The following RHOQ variants were observed in gnomAD, a reference collection of about 807,000 sequenced individuals.
The protein encoded by RHOQ is ras homolog family member Q.
RHOQ carries 7 observed loss-of-function variants against 25.8 expected under a neutral mutation model. That is an observed-to-expected ratio of 0.27 (90% CI 0.15 to 0.51). The LOEUF (loss-of-function observed/expected upper bound fraction) is 0.51. Ranked by LOEUF, RHOQ falls within the 20% of genes least tolerant of loss-of-function variation. The pLI is 0.97. For missense variants in RHOQ, 165 were observed against 260.6 expected (o/e 0.63, Z 2.53); for synonymous variants, 97 against 98.6 (o/e 0.98, Z 0.10).
intron 2 of RHOQ, among the ~76,000 whole-genome samples, chr2:46,546,515 TATACATATATATATATAC>T (rs1558680655): frequency 2.9e-4 from 7 of 24,186 alleles, no homozygotes; most frequent in African/African-American, 1.1e-3. Flanking sequence ...TATATATGTA[TATACATATATATATATAC>T]ACAAATCCTT....
Position 46,543,785 on chromosome 2 carries a change from C to T in RHOQ, c.174C>T (p.Leu58=). The change falls in exon 2 of 5, where the codon CTC becomes CTT. Residue 58 remains leucine, a synonymous_variant. Transcript: ENST00000238738. ...TCACCGTGGGGGGCAAGCAGTACCT[C>T]CTAGGACTCTATGACACGGCCGGAC... ...VSVTVGGKQY[L]LGLYDTAGQE... 6.2e-7 allele frequency: 1 copy of T among 1,613,782 alleles called. No homozygotes were observed. Among genetic ancestry groups the T allele is most frequent in the Non-Finnish European group, 8.5e-7 (1 of 1,179,882 alleles).
At position 46,576,349 on chromosome 2, in the gene RHOQ, T is replaced by A; in HGVS notation, c.366+98T>A. On this transcript the variant is annotated intron_variant, in intron 3 of 4. Transcript: ENST00000238738. This position sits in a 1 kb window ranked among gnomAD's most constrained non-coding sequence, Gnocchi z 5.1. ...CAGTCCCAAAGCTGAGCAAATGATG[T>A]AAGTGTTTAATCTCAGCTGCAAGTT... The A allele has an allele frequency of 9.0e-7, 1 of 1,112,030 alleles. No homozygotes were observed. The highest frequency in any genetic ancestry group is 1.3e-6 in the Non-Finnish European group (1 of 770,288). The allele number at this position is 1,112,030 out of a possible 1,614,324, so 68.9% of individuals were successfully genotyped here.
chr2:46,581,302 A>G lies in RHOQ; in HGVS notation c.*219A>G, dbSNP rs1669360624. On this transcript the variant is annotated 3_prime_UTR_variant, in exon 5 of 5. Transcript: ENST00000238738. ...AGCCACAATCTATTATAAATACTTT[A>G]TTTCAACTAGAAGGTACAATCTCTC... 1 of 1,005,634 alleles carries G rather than the reference A, an allele frequency of 9.9e-7. No homozygotes were observed. The highest frequency in any genetic ancestry group is 1.4e-6 in the Non-Finnish European group (1 of 696,500). 62.3% of individuals were successfully genotyped at this position (1,005,634 alleles called of 1,614,324 possible).
rs1173839874 is a variant in RHOQ at position 46,574,347 on chromosome 2, T to TTTTC, written c.202-1736_202-1733dup. Among the ~76,000 whole-genome samples the TTTTC allele has an allele frequency of 3.2e-3, 482 of 152,080 alleles. 6 individuals are homozygous for TTTTC. The highest frequency in any genetic ancestry group is 2.5e-3 in the Non-Finnish European group (172 of 67,974). Reference sequence around the variant, plus strand: ...ATGACATACTGTTTCTTTTTTTTTTTTTTCTTTTATGGACTTGCAGTTTGA... The same window carrying TTTTC: ...ATGACATACTGTTTCTTTTTTTTTTTTTTCTTTCTTTTATGGACTTGCAGTTTGA... On this transcript the variant is annotated intron_variant, in intron 2 of 4. Transcript: ENST00000238738.
At position 46,543,043 on chromosome 2, in the gene RHOQ, C is replaced by T. The variant is rs772555647; in HGVS notation, c.-4C>T. 84 of 1,588,244 alleles carry T rather than the reference C, an allele frequency of 5.3e-5. No individual in the cohort carries two copies. Among genetic ancestry groups the T allele is most frequent in the Non-Finnish European group, 3.4e-6 (4 of 1,169,940 alleles). The stretch of plus-strand genomic sequence containing the variant: ...ACCATGCCCGGAGGCCGGCCGGCAG[C>T]AGCATGGCTCACGGGCCCGGCGCGC... On this transcript the variant is annotated 5_prime_UTR_variant, in exon 1 of 5. Transcript: ENST00000238738.
intron 2 of RHOQ, among the ~76,000 whole-genome samples, chr2:46,562,504 C>G (rs185864476): frequency 6.6e-6 from 1 of 152,304 alleles, no homozygotes; most frequent in East Asian, 1.9e-4. Flanking sequence ...AAATGGCACT[C>G]CTCCCTAGCC....
chr2:46,543,012 G>A lies in RHOQ; in HGVS notation c.-35G>A, dbSNP rs893604422. On this transcript the variant is annotated 5_prime_UTR_variant, in exon 1 of 5. Transcript: ENST00000238738. ...AGCCCGGGGCCGGGGCGGGGGCTCC[G>A]GGGGGACCATGCCCGGAGGCCGGCC... 6 of 1,499,534 alleles carry A rather than the reference G, an allele frequency of 4.0e-6. No homozygotes were observed. The highest frequency in any genetic ancestry group is 1.5e-5 in the African/African-American group (1 of 68,872). The allele number at this position is 1,499,534 out of a possible 1,614,324, so 92.9% of individuals were successfully genotyped here.
At chr2:46,559,402 G>A (rs1347412425) in intron 2 of RHOQ, among the ~76,000 whole-genome samples, 1 of 152,036 alleles carries the variant, frequency 6.6e-6, no homozygotes, top group Non-Finnish European at 1.5e-5. Flanking sequence ...ATCTCTTTCA[G>A]GTAGTTCCTC....
chr2:46,556,652 A>C lies in RHOQ; in HGVS notation c.201+12840A>C, dbSNP rs1558684978. 2.0e-5 allele frequency among the ~76,000 whole-genome samples: 3 copies of C among 152,122 alleles called. No homozygotes were observed. The highest frequency in any genetic ancestry group is 4.4e-5 in the Non-Finnish European group (3 of 68,040). On this transcript the variant is annotated intron_variant, in intron 2 of 4. Coordinates refer to ENST00000238738, the MANE Select transcript of RHOQ (RefSeq NM_012249.4). The surrounding 1 kb of genome is among the most constrained non-coding windows in gnomAD (Gnocchi z 4.9). ...ACATAAGAGTGAGGTGAGGAACACA[A>C]AATTCCATCCGATCGGGTTCTTCCC...
In RHOQ at chr2:46,544,634, C is replaced by T. The variant is rs546181028; in HGVS notation, c.201+822C>T. 8.5e-5 allele frequency among the ~76,000 whole-genome samples: 13 copies of T among 152,344 alleles called. 1 individual carries two copies. The South Asian group carries it at 2.1e-3, about 24-fold the overall frequency. On this transcript the variant is annotated intron_variant, in intron 2 of 4. Transcript: ENST00000238738. ...CTCCCTGTCCCAGCTTCAGCCTCTTCCCAAACCCACTTTTGCTCTGGGGAT... is the reference window on the plus strand; with the variant it reads ...CTCCCTGTCCCAGCTTCAGCCTCTTTCCAAACCCACTTTTGCTCTGGGGAT...
chr2:46,543,149 C>T lies in RHOQ; in HGVS notation c.103C>T (p.Pro35Ser). 6.2e-7 allele frequency: 1 copy of T among 1,612,270 alleles called. No homozygotes were observed. The highest frequency in any genetic ancestry group is 8.5e-7 in the Non-Finnish European group (1 of 1,179,414). ...LLMSYANDAF[P>S]EEYVPTVFDH... ...CATGAGCTATGCCAACGACGCCTTC[C>T]CGGAGGAGTACGTGCCCACCGTCTT... is the stretch of plus-strand genomic sequence containing the variant. The change falls in exon 1 of 5, where the codon CCG becomes TCG. Residue 35 changes from proline to serine, a missense_variant. Transcript: ENST00000238738.
chr2:46,563,831 T>G (rs1401861834), intron 2 of RHOQ, among the ~76,000 whole-genome samples: 2 of 151,992 alleles, frequency 1.3e-5, no homozygotes, highest in African/African-American at 4.8e-5. Flanking sequence ...TCTCTTTTTC[T>G]TAATGGAGAC....
chr2:46,553,487 A>G (rs576134022), intron 2 of RHOQ, among the ~76,000 whole-genome samples: 1 of 152,284 alleles, frequency 6.6e-6, no homozygotes, highest in Admixed American at 6.5e-5. Context: ...CAAACAATCC[A>G]ATTACAGTCT....
chr2:46,576,472 G>T lies in RHOQ; in HGVS notation c.367-89G>T. ...AAGTTCTTTTGTTTAATCTTTTTTT[G>T]GTATGTGGGAATTAAGTGGGATTAC... On this transcript the variant is annotated intron_variant, in intron 3 of 4. Transcript: ENST00000238738. The surrounding 1 kb of genome is among the most constrained non-coding windows in gnomAD (Gnocchi z 5.1). 1 of 902,220 alleles carries T rather than the reference G, an allele frequency of 1.1e-6. No individual in the cohort carries two copies. The highest frequency in any genetic ancestry group is 1.7e-6 in the Non-Finnish European group (1 of 593,296). 55.9% of individuals were successfully genotyped at this position (902,220 alleles called of 1,614,324 possible).
At chr2:46,572,959 T>C in intron 2 of RHOQ, among the ~76,000 whole-genome samples, 1 of 152,194 alleles carries the variant, frequency 6.6e-6, no homozygotes, top group East Asian at 1.9e-4. Flanking sequence ...TGATGCAGGG[T>C]ACAGTATGCA....
At position 46,584,683 on chromosome 2, in the gene RHOQ, T is replaced by C. The variant is rs1669510218; in HGVS notation, c.*3600T>C. ...TAAAATGTGGACTGGCTTTGAAGAC[T>C]GTTAATGATGGGTCAGGCTTTGTAC... On this transcript the variant is annotated 3_prime_UTR_variant, in exon 5 of 5. Coordinates refer to ENST00000238738, the MANE Select transcript of RHOQ (RefSeq NM_012249.4). Among the ~76,000 whole-genome samples the C allele has an allele frequency of 1.3e-5, 2 of 152,202 alleles. No individual in the cohort carries two copies. Among genetic ancestry groups the C allele is most frequent in the African/African-American group, 2.4e-5 (1 of 41,470 alleles).
intron 2 of RHOQ, among the ~76,000 whole-genome samples, chr2:46,553,351 T>C (rs1668301781): frequency 6.6e-6 from 1 of 152,116 alleles, no homozygotes; most frequent in Non-Finnish European, 1.5e-5. Context: ...AAAAATGTTG[T>C]GGGTGTATAG....
At chr2:46,571,845 T>G (rs1668924779) in intron 2 of RHOQ, among the ~76,000 whole-genome samples, 1 of 152,178 alleles carries the variant, frequency 6.6e-6, no homozygotes, top group South Asian at 2.1e-4. Flanking sequence ...TATTTTAAAA[T>G]AGACATACAC....
chr2:46,543,287 C>G, intron 1 of RHOQ, 99 bp downstream of exon 1: 1 of 1,369,476 alleles, frequency 7.3e-7, no homozygotes, highest in Non-Finnish European at 1.0e-6. Flanking sequence ...GAGCGCACTC[C>G]TCTCCCCTCC....
Sources: allele counts gnomAD v4.1 joint callset (sites outside exome capture counted in the v4.1 genomes callset), GRCh38; gene constraint gnomAD v4.1.1; non-coding constraint Gnocchi (gnomAD v3.1); transcripts MANE v1.5; gene names NCBI Gene and HGNC (gene_info 2026-07-23, HGNC 2026-07-21).